CTTNBP2: variants seen among roughly 807,000 people sequenced by gnomAD.
The protein encoded by CTTNBP2 is cortactin binding protein 2.
CTTNBP2 carries 108 observed loss-of-function variants against 156.9 expected under a neutral mutation model. The ratio of observed to expected loss-of-function variants is 0.69; its 90% CI spans 0.59 to 0.81. The LOEUF (loss-of-function observed/expected upper bound fraction) is 0.81. Among genes scored for constraint, CTTNBP2 ranks in the 30% least tolerant of loss-of-function variants. The pLI, the probability that CTTNBP2 is intolerant of heterozygous loss-of-function variation, is 0.00. For synonymous variants in CTTNBP2, 767 were observed against 751.8 expected (o/e 1.02, Z -0.33); for missense variants, 1,924 against 2,035.4 (o/e 0.95, Z 1.05).
chr7:117,852,697 G>A (rs961115339), intron 2 of CTTNBP2, among the ~76,000 whole-genome samples: 3 of 152,174 alleles, frequency 2.0e-5, no homozygotes, highest in Non-Finnish European at 4.4e-5. Context: ...TCAATTGCAA[G>A]GGAACAGCAA....
At chr7:117,740,453 A>G (rs1304632619) in intron 14 of CTTNBP2, among the ~76,000 whole-genome samples, 1 of 151,994 alleles carries the variant, frequency 6.6e-6, no homozygotes, top group Non-Finnish European at 1.5e-5. Flanking sequence ...CAGCATTCTC[A>G]CCCCATTCAA....
intron 2 of CTTNBP2, among the ~76,000 whole-genome samples, chr7:117,852,317 A>G (rs1448321691): frequency 6.6e-6 from 1 of 152,084 alleles, no homozygotes; most frequent in African/African-American, 2.4e-5. Context: ...AAAAAAGATC[A>G]AATATGAAAA....
At chr7:117,863,747 C>G (rs1005972104) in intron 1 of CTTNBP2, among the ~76,000 whole-genome samples, 1 of 152,118 alleles carries the variant, frequency 6.6e-6, no homozygotes, top group African/African-American at 2.4e-5. Flanking sequence ...TGAAGGCAGG[C>G]GATTGTTATT....
chr7:117,820,667 A>G (rs1800905027), intron 2 of CTTNBP2, among the ~76,000 whole-genome samples: 1 of 152,234 alleles, frequency 6.6e-6, no homozygotes, highest in South Asian at 2.1e-4. Flanking sequence ...GCCTTTGTTG[A>G]AAATCAACTG....
chr7:117,751,575 A>G (rs1326153431), intron 12 of CTTNBP2, among the ~76,000 whole-genome samples: 1 of 152,208 alleles, frequency 6.6e-6, no homozygotes, highest in East Asian at 1.9e-4. Flanking sequence ...TACATCCAGC[A>G]TTTGGAATAT....
At chr7:117,755,794 A>G (rs1796851164) in intron 12 of CTTNBP2, among the ~76,000 whole-genome samples, 1 of 152,190 alleles carries the variant, frequency 6.6e-6, no homozygotes, top group Non-Finnish European at 1.5e-5. Flanking sequence ...TGGGTGCACA[A>G]TTGCCCAGCA....
chr7:117,872,421 C>A (rs1386383481), intron 1 of CTTNBP2, among the ~76,000 whole-genome samples: 1 of 152,206 alleles, frequency 6.6e-6, no homozygotes, highest in Non-Finnish European at 1.5e-5. Context: ...CTGCCTTTCT[C>A]TGCAGCTCCT....
chr7:117,790,767 A>C (rs550057242), intron 4 of CTTNBP2, among the ~76,000 whole-genome samples: 2 of 152,350 alleles, frequency 1.3e-5, no homozygotes, highest in East Asian at 3.9e-4. Flanking sequence ...CTGTCTGATC[A>C]TGACCCACTG....
intron 3 of CTTNBP2, among the ~76,000 whole-genome samples, chr7:117,800,174 A>G (rs34090296): frequency 0.023 from 3,515 of 152,098 alleles, 61 homozygotes; most frequent in African/African-American, 0.034. Context: ...CAAAGGATTT[A>G]GACTAGCCAA....
chr7:117,717,975 A>C (rs1794540456), intron 22 of CTTNBP2, 43 bp downstream of exon 22: 1 of 1,209,294 alleles, frequency 8.3e-7, no homozygotes, highest in Non-Finnish European at 1.2e-6. Flanking sequence ...TCAATTCCAC[A>C]GCAATCATCC....
chr7:117,735,122 T>C, intron 15 of CTTNBP2, 22 bp from the exon 16 acceptor site: 1 of 1,606,246 alleles, frequency 6.2e-7, no homozygotes, highest in Non-Finnish European at 8.5e-7. Flanking sequence ...CAAAAAGCAA[T>C]GGCCCATCCT....
intron 11 of CTTNBP2, 82 bp from the exon 12 acceptor site, chr7:117,756,716 A>G: frequency 1.1e-6 from 1 of 951,564 alleles, no homozygotes; most frequent in Non-Finnish European, 1.7e-6. Flanking sequence ...TCTATCATAG[A>G]AGATGAATGT....
rs76129361 is a variant in CTTNBP2, at chr7:117,760,504, C to G, written c.3103G>C (p.Val1035Leu). 6.2e-7 allele frequency: 1 copy of G among 1,614,004 alleles called. No individual in the cohort carries two copies. Among genetic ancestry groups the G allele is most frequent in the African/African-American group, 1.3e-5 (1 of 74,926 alleles). The part of the protein sequence containing the change: ...SSDGWWSLED[V>L]TCNNTTDSNI... ...GAATCAGTGGTGTTATTGCAAGTCA[C>G]GTCTTCCAGACTCCACCATCCATCA... Residue 1035 changes from valine to leucine, a missense_variant, in exon 10 of 23, where the codon GTG becomes CTG. Val to Leu is a conservative substitution (Grantham distance 32). Transcript: ENST00000160373.
chr7:117,716,348 C>CTATT lies in CTTNBP2; in HGVS notation c.4746+1666_4746+1669dup, dbSNP rs1250562686. Among the ~76,000 whole-genome samples the CTATT allele has an allele frequency of 1.3e-4, 20 of 152,012 alleles. 1 individual carries two copies. Among genetic ancestry groups the CTATT allele is most frequent in the African/African-American group, 4.6e-4 (19 of 41,450 alleles). On this transcript the variant is annotated intron_variant, in intron 22 of 22. Transcript: ENST00000160373. ...TAGACATTTAAGCAGCAGCCATTCT[C>CTATT]TATTTTTACACAAGAAAGTGATTTG...
chr7:117,836,726 G>A (rs1257889409), intron 2 of CTTNBP2, among the ~76,000 whole-genome samples: 1 of 152,136 alleles, frequency 6.6e-6, no homozygotes, highest in Non-Finnish European at 1.5e-5. Context: ...ACAGGAAAGG[G>A]GTTTAATTAA....
Position 117,794,872 on chromosome 7 carries a change from TATA to T in CTTNBP2, c.415-2094_415-2092del, listed in dbSNP as rs1563015523. 2.9e-4 allele frequency among the ~76,000 whole-genome samples: 41 copies of T among 142,672 alleles called. 2 individuals carry two copies. Among genetic ancestry groups the T allele is most frequent in the South Asian group, 1.6e-3 (7 of 4,496 alleles). The allele number at this position is 142,672 out of a possible 152,430, so 93.6% of individuals were successfully genotyped here. Reference sequence around the variant, plus strand: ...TGTTGTCATATACTGTTTTTATATGTATATCTTTTTTTTTTTTTTTTTTTTTTT... The same window carrying T: ...TGTTGTCATATACTGTTTTTATATGTTCTTTTTTTTTTTTTTTTTTTTTTT... On this transcript the variant is annotated intron_variant, in intron 3 of 22. Transcript: ENST00000160373.
At chr7:117,742,973 C>T (rs1796098626) in intron 14 of CTTNBP2, among the ~76,000 whole-genome samples, 1 of 152,222 alleles carries the variant, frequency 6.6e-6, no homozygotes, top group African/African-American at 2.4e-5. Flanking sequence ...GCCCAGCCTG[C>T]TTCACCTCTT....
chr7:117,717,977 CA>C (rs1794540857), intron 22 of CTTNBP2, 40 bp downstream of exon 22: 1 of 1,210,730 alleles, frequency 8.3e-7, no homozygotes, highest in African/African-American at 1.5e-5. Flanking sequence ...AATTCCACAG[CA>C]ATCATCCTTT....
chr7:117,827,313 C>T (rs960476173), intron 2 of CTTNBP2, among the ~76,000 whole-genome samples: 1 of 152,180 alleles, frequency 6.6e-6, no homozygotes, highest in Non-Finnish European at 1.5e-5. Context: ...TTAGCAGGTA[C>T]TGCTTTCATG....
Sources: allele counts gnomAD v4.1 joint callset (sites outside exome capture counted in the v4.1 genomes callset), GRCh38; gene constraint gnomAD v4.1.1; transcripts MANE v1.5; gene names NCBI Gene and HGNC (gene_info 2026-07-23, HGNC 2026-07-21).